Variants in SNX14 observed in about 807,000 individuals in gnomAD.
SNX14 encodes sorting nexin-14.
SNX14 carries 93 observed loss-of-function variants against 133.8 expected under a neutral mutation model. The ratio of observed to expected loss-of-function variants is 0.70; its 90% CI spans 0.59 to 0.83. SNX14 has a LOEUF of 0.83. Among genes scored for constraint, SNX14 ranks in the 40% least tolerant of loss-of-function variants. The probability of loss-of-function intolerance (pLI) is 0.00; values close to 1 mark genes in which losing one functional copy is unlikely to be tolerated. For synonymous variants in SNX14, 368 were observed against 365.6 expected (o/e 1.01, Z -0.07); for missense variants, 945 against 1,094.9 (o/e 0.86, Z 1.93).
At chr6:85,549,571 AATTAT>A (rs1485012954) in intron 8 of SNX14, 147 bp downstream of exon 8, 1 of 389,592 alleles carries the variant, frequency 2.6e-6, no homozygotes, top group African/African-American at 2.1e-5. Context: ...ATAATTAATA[AATTAT>A]ATATTAATAA....
chr6:85,548,208 G>T, intron 9 of SNX14, 93 bp downstream of exon 9: 1 of 858,652 alleles, frequency 1.2e-6, no homozygotes, highest in Non-Finnish European at 1.8e-6. Context: ...AATGTTTTCA[G>T]TATCACTGAC....
At chr6:85,591,521 G>A (rs1188087033) in intron 1 of SNX14, among the ~76,000 whole-genome samples, 1 of 152,124 alleles carries the variant, frequency 6.6e-6, no homozygotes, top group Non-Finnish European at 1.5e-5. Flanking sequence ...AAGAAATACA[G>A]GGTACAGGTT....
intron 7 of SNX14, among the ~76,000 whole-genome samples, chr6:85,555,215 G>A (rs1461592147): frequency 6.6e-6 from 1 of 152,112 alleles, no homozygotes; most frequent in Non-Finnish European, 1.5e-5. Context: ...AGTCTGAGAG[G>A]CTTCTTGTCT....
chr6:85,582,453 A>G (rs1799330072), intron 1 of SNX14, among the ~76,000 whole-genome samples: 1 of 152,026 alleles, frequency 6.6e-6, no homozygotes, highest in South Asian at 2.1e-4. Context: ...ATAGAGACAC[A>G]CACAAAAAAA....
At chr6:85,515,137 C>A (rs1008561957) in intron 23 of SNX14, among the ~76,000 whole-genome samples, 1 of 151,522 alleles carries the variant, frequency 6.6e-6, no homozygotes, top group Non-Finnish European at 1.5e-5. Context: ...TGTAGTGATG[C>A]GTGCCTGTAG....
intron 6 of SNX14, among the ~76,000 whole-genome samples, chr6:85,563,394 G>A (rs973155839): frequency 1.3e-5 from 2 of 151,848 alleles, no homozygotes; most frequent in Non-Finnish European, 2.9e-5. Flanking sequence ...AAAAATATTT[G>A]TTTTTTTGCT....
At chr6:85,555,848 C>T (rs976449641) in intron 7 of SNX14, among the ~76,000 whole-genome samples, 6 of 151,884 alleles carry the variant, frequency 4.0e-5, no homozygotes, top group African/African-American at 4.8e-5. Context: ...AATAGCCAAG[C>T]GTGGTGGTGC....
chr6:85,543,315 A>G lies in SNX14; in HGVS notation c.1265-9T>C. Reference sequence around the variant, plus strand: ...GTATGGGCCTTCAGCAACTATTAAAAAAATTCTACTGTAGAAATTATTTAT... The same window carrying G: ...GTATGGGCCTTCAGCAACTATTAAAGAAATTCTACTGTAGAAATTATTTAT... On this transcript the variant is annotated splice_polypyrimidine_tract_variant and intron_variant, in intron 13 of 28. Transcript: ENST00000314673. 6.4e-7 allele frequency: 1 copy of G among 1,554,824 alleles called. No homozygotes were observed. Among genetic ancestry groups the G allele is most frequent in the Non-Finnish European group, 8.6e-7 (1 of 1,157,590 alleles).
intron 4 of SNX14, among the ~76,000 whole-genome samples, chr6:85,570,293 T>C (rs1419160473): frequency 2.7e-5 from 4 of 149,106 alleles, no homozygotes; most frequent in South Asian, 4.3e-4. Flanking sequence ...TGCCAGGTAC[T>C]GGACCAAGGG....
chr6:85,530,296 C>T (rs749066483), intron 18 of SNX14, 21 bp from the exon 19 acceptor site: 3 of 1,397,228 alleles, frequency 2.1e-6, no homozygotes, highest in Admixed American at 2.0e-5. Flanking sequence ...AGTACACACA[C>T]ACTGAGTAAC....
In SNX14 at chr6:85,517,844, T is replaced by C; in HGVS notation, c.2180A>G (p.Asn727Ser). 1 of 1,609,776 alleles carries C rather than the reference T, an allele frequency of 6.2e-7. No homozygotes were observed. The highest frequency in any genetic ancestry group is 8.5e-7 in the Non-Finnish European group (1 of 1,178,848). ...KGQHLEPFIM[N>S]FINSCESPKP... ...TGGAGACTCACAAGAATTAATGAAA[T>C]TCATGATAAAAGGTTCCAAATGCTG... The change falls in exon 23 of 29, where the codon AAT becomes AGT. Residue 727 changes from asparagine (N) to serine (S), a missense_variant. By Grantham distance (46) the Asn-to-Ser change is conservative (BLOSUM62 1). Transcript: ENST00000314673.
At chr6:85,566,773 C>T (rs746887773) in intron 5 of SNX14, among the ~76,000 whole-genome samples, 5 of 151,804 alleles carry the variant, frequency 3.3e-5, no homozygotes, top group Non-Finnish European at 7.4e-5. Flanking sequence ...TGTCATTAAA[C>T]ATCATATGTA....
chr6:85,588,898 T>A (rs1446109349), intron 1 of SNX14: 1 of 455,548 alleles, frequency 2.2e-6, no homozygotes, highest in African/African-American at 2.0e-5. Flanking sequence ...AAGGTCTTCA[T>A]CTTCATTGTC....
rs1207522449 is a variant in SNX14, at chr6:85,547,574, GT to G, written c.868-25del. On this transcript the variant is annotated intron_variant, in intron 9 of 28. Coordinates refer to ENST00000314673, the MANE Select transcript of SNX14 (RefSeq NM_153816.6). ...TCCTAGTGGAAAATAATAAACATAA[GT>G]CAAAATAATTCCACTACTGTATTCT... The G allele has an allele frequency of 2.6e-6, 4 of 1,557,026 alleles. No homozygotes were observed. In the African/African-American group the frequency reaches 4.1e-5, roughly 16 times the overall value.
chr6:85,548,170 G>A (rs191075611), intron 9 of SNX14, 131 bp downstream of exon 9: 1 of 644,988 alleles, frequency 1.6e-6, no homozygotes, highest in Admixed American at 3.2e-5. Flanking sequence ...CTGGAGATGG[G>A]GAATGGGGAT....
intron 1 of SNX14, chr6:85,589,409 G>A (rs1334530390): frequency 2.0e-5 from 3 of 153,712 alleles, no homozygotes; most frequent in Non-Finnish European, 4.3e-5. Flanking sequence ...TTTTTGTAGA[G>A]ACAGGGTTTC....
chr6:85,543,080 T>A, intron 14 of SNX14, 102 bp downstream of exon 14: 1 of 1,175,554 alleles, frequency 8.5e-7, no homozygotes, highest in Non-Finnish European at 1.1e-6. Flanking sequence ...CTTGTCTTAT[T>A]TTTCTATTTA....
intron 17 of SNX14, among the ~76,000 whole-genome samples, chr6:85,535,803 C>T (rs1781780090): frequency 1.3e-5 from 2 of 152,058 alleles, no homozygotes; most frequent in African/African-American, 4.8e-5. Context: ...AAAGGGTTTA[C>T]TCCTGTCACC....
At chr6:85,539,698 G>C (rs1213668426) in intron 15 of SNX14, among the ~76,000 whole-genome samples, 2 of 151,838 alleles carry the variant, frequency 1.3e-5, no homozygotes, top group African/African-American at 4.8e-5. Flanking sequence ...GCAGAGTCCT[G>C]ACAAGACTGA....
Sources: gnomAD v4.1 joint callset for allele counts (sites outside exome capture counted in the v4.1 genomes callset) on GRCh38, gnomAD v4.1.1 for gene constraint, MANE v1.5 for transcripts, NCBI Gene and HGNC (gene_info 2026-07-23, HGNC 2026-07-21) for gene names.